Variants in COP1 observed in about 807,000 individuals in gnomAD.
COP1 encodes the protein E3 ubiquitin-protein ligase COP1.
Under a neutral mutation model 101.3 loss-of-function variants are expected in COP1, and 24 were observed. The observed-to-expected ratio is 0.24, with a 90% CI of 0.17 to 0.33. The LOEUF is 0.33. COP1 is among the 10% of genes least tolerant of loss of function. The pLI is 1.00. For missense variants in COP1, 663 were observed against 906.2 expected (o/e 0.73, Z 3.45); for synonymous variants, 347 against 341.9 (o/e 1.01, Z -0.17).
intron 15 of COP1, among the ~76,000 whole-genome samples, chr1:175,995,350 C>G (rs928032419): frequency 5.3e-5 from 8 of 151,982 alleles, no homozygotes; most frequent in Non-Finnish European, 8.8e-5. Context: ...AAAAGCAAGA[C>G]CAAACACATT....
intron 18 of COP1, among the ~76,000 whole-genome samples, chr1:175,954,284 T>C (rs1650331336): frequency 2.0e-5 from 3 of 152,108 alleles, no homozygotes; most frequent in African/African-American, 7.2e-5. Flanking sequence ...AAACAATGCC[T>C]AGAAAGTTAT....
intron 10 of COP1, among the ~76,000 whole-genome samples, chr1:176,084,969 TAA>T (rs1443036913): frequency 6.6e-6 from 1 of 152,030 alleles, no homozygotes; most frequent in Admixed American, 6.5e-5. Flanking sequence ...TTACAATCAT[TAA>T]AAAACCCATT....
At chr1:176,036,943 C>T (rs925721657) in intron 14 of COP1, among the ~76,000 whole-genome samples, 4 of 152,134 alleles carry the variant, frequency 2.6e-5, no homozygotes, top group Admixed American at 2.0e-4. Context: ...TAAAATGTAT[C>T]GATTCCCTGA....
At chr1:176,078,366 T>A (rs1409416876) in intron 11 of COP1, among the ~76,000 whole-genome samples, 1 of 152,130 alleles carries the variant, frequency 6.6e-6, no homozygotes, top group Non-Finnish European at 1.5e-5. Flanking sequence ...ATCTGATCTT[T>A]GACAAAATCA....
chr1:176,027,481 C>A, intron 15 of COP1, 91 bp downstream of exon 15: 1 of 795,956 alleles, frequency 1.3e-6, no homozygotes, highest in Non-Finnish European at 2.2e-6. Flanking sequence ...TTTAAACCTA[C>A]AAAAGAGTTA....
Position 176,081,044 on chromosome 1 carries a change from G to T in COP1, c.1277+108C>A, listed in dbSNP as rs551154934. 3 of 947,402 alleles carry T rather than the reference G, an allele frequency of 3.2e-6. No individual in the cohort carries two copies. The East Asian group carries it at 8.3e-5, about 26-fold the overall frequency. 58.7% of individuals were successfully genotyped at this position (947,402 alleles called of 1,614,324 possible). ...AAATCACAGAACTAATAATTGGCAG[G>T]CTACTTCAGAACCCACGCTTTTAAT... On this transcript the variant is annotated intron_variant, in intron 11 of 19. Coordinates refer to ENST00000367669, the MANE Select transcript of COP1 (RefSeq NM_022457.7).
At chr1:176,162,364 C>T (rs569658998) in intron 5 of COP1, among the ~76,000 whole-genome samples, 1 of 152,038 alleles carries the variant, frequency 6.6e-6, no homozygotes, top group Non-Finnish European at 1.5e-5. Context: ...TTAACAGTTA[C>T]GTAAAATAAA....
chr1:175,975,991 GCTTT>G (rs1558191480), intron 18 of COP1, among the ~76,000 whole-genome samples: 1 of 152,054 alleles, frequency 6.6e-6, no homozygotes, highest in South Asian at 2.1e-4. Flanking sequence ...GACATTTCAT[GCTTT>G]CTATTAGTAA....
chr1:176,179,428 T>A (rs1697432215), intron 2 of COP1, among the ~76,000 whole-genome samples: 1 of 152,188 alleles, frequency 6.6e-6, no homozygotes, highest in Non-Finnish European at 1.5e-5. Flanking sequence ...CAAGCTAGGC[T>A]GTTAAGTCAG....
chr1:176,045,405 C>G (rs1671337391), intron 12 of COP1, among the ~76,000 whole-genome samples: 1 of 151,852 alleles, frequency 6.6e-6, no homozygotes, highest in Non-Finnish European at 1.5e-5. Flanking sequence ...ATAAATTATA[C>G]AAAGACTGTA....
At chr1:175,955,801 C>CACACACACACACACAT (rs1553275345) in intron 18 of COP1, among the ~76,000 whole-genome samples, 1 of 150,972 alleles carries the variant, frequency 6.6e-6, no homozygotes, top group Non-Finnish European at 1.5e-5. Context: ...CACACACACA[C>CACACACACACACACAT]GGCCTACATA....
At chr1:176,103,719 T>C (rs1244921927) in intron 9 of COP1, among the ~76,000 whole-genome samples, 1 of 152,186 alleles carries the variant, frequency 6.6e-6, no homozygotes, top group Non-Finnish European at 1.5e-5. Context: ...ATTATTAATA[T>C]CTCAAAATTA....
chr1:176,119,210 C>A (rs1407042639), intron 8 of COP1, among the ~76,000 whole-genome samples: 3 of 152,158 alleles, frequency 2.0e-5, no homozygotes, highest in Non-Finnish European at 4.4e-5. Context: ...TGAGGCAATG[C>A]AATGCATTAA....
intron 11 of COP1, among the ~76,000 whole-genome samples, chr1:176,074,007 A>T (rs1481453496): frequency 3.9e-5 from 6 of 152,148 alleles, no homozygotes; most frequent in Non-Finnish European, 8.8e-5. Context: ...GCTCACTGCA[A>T]CCTCTGCCCC....
intron 3 of COP1, among the ~76,000 whole-genome samples, chr1:176,168,080 CAG>C (rs1695413949): frequency 1.3e-5 from 2 of 149,606 alleles, no homozygotes; most frequent in Non-Finnish European, 3.0e-5. Context: ...TTTTTTGAAA[CAG>C]AGTCTCGCCC....
At chr1:176,132,645 G>A (rs1413716578) in intron 8 of COP1, among the ~76,000 whole-genome samples, 1 of 16,750 alleles carries the variant, frequency 6.0e-5, no homozygotes, top group Non-Finnish European at 1.1e-4. Flanking sequence ...ACATATGTAC[G>A]TATATATACT....
chr1:176,072,072 T>G (rs186593247), intron 11 of COP1, among the ~76,000 whole-genome samples: 3 of 152,254 alleles, frequency 2.0e-5, no homozygotes, highest in Non-Finnish European at 4.4e-5. Flanking sequence ...CATGTATGTT[T>G]TGAATTACCA....
chr1:176,142,717 C>CA lies in COP1; in HGVS notation c.832-6171dup, dbSNP rs771268742. 8.0e-4 allele frequency among the ~76,000 whole-genome samples: 111 copies of CA among 137,934 alleles called. 2 individuals are homozygous for CA. Among genetic ancestry groups the CA allele is most frequent in the Middle Eastern group, 3.8e-3 (1 of 266 alleles). 90.5% of individuals were successfully genotyped at this position (137,934 alleles called of 152,430 possible). On this transcript the variant is annotated intron_variant, in intron 6 of 19. Transcript: ENST00000367669. ...ATGCAATTATAACAGAAATCCAGAA[C>CA]AAAAAAAAAACAAAATCTCAATGTT...
At chr1:176,007,974 T>G (rs1163990781) in intron 15 of COP1, among the ~76,000 whole-genome samples, 2 of 152,160 alleles carry the variant, frequency 1.3e-5, no homozygotes, top group Non-Finnish European at 2.9e-5. Flanking sequence ...GATCTCAGAC[T>G]GCTCTGCTAG....
Sources: allele counts gnomAD v4.1 joint callset (sites outside exome capture counted in the v4.1 genomes callset), GRCh38; gene constraint gnomAD v4.1.1; transcripts MANE v1.5; gene names NCBI Gene and HGNC (gene_info 2026-07-23, HGNC 2026-07-21).